The following CCNJ variants were observed in gnomAD, a reference collection of about 807,000 sequenced individuals.
The protein encoded by CCNJ is cyclin-J.
A neutral mutation model predicts 41.4 loss-of-function variants in CCNJ; 12 were observed. The ratio of observed to expected loss-of-function variants is 0.29; its 90% CI spans 0.19 to 0.47. The LOEUF is 0.47. Ranked by LOEUF, CCNJ falls within the 20% of genes least tolerant of loss-of-function variation. The pLI is 1.00. For missense variants in CCNJ, 340 were observed against 464.6 expected (o/e 0.73, Z 2.47); for synonymous variants, 161 against 173.4 (o/e 0.93, Z 0.56).
At chr10:96,051,681 T>C (rs771173482) in intron 3 of CCNJ, among the ~76,000 whole-genome samples, 1 of 152,238 alleles carries the variant, frequency 6.6e-6, no homozygotes, top group Non-Finnish European at 1.5e-5. Context: ...TTAGCACTTC[T>C]GTGCCTGGCT....
At chr10:96,046,830 A>G (rs187253146) in intron 2 of CCNJ, among the ~76,000 whole-genome samples, 2 of 152,190 alleles carry the variant, frequency 1.3e-5, no homozygotes, top group African/African-American at 2.4e-5. Context: ...TCTTCTCATT[A>G]TTTTGCTGTG....
chr10:96,056,633 A>G, intron 3 of CCNJ, 68 bp from the exon 4 acceptor site: 1 of 1,162,422 alleles, frequency 8.6e-7, no homozygotes, highest in Non-Finnish European at 1.2e-6. Context: ...ATCCCATTTT[A>G]CTGACTAGAC....
At chr10:96,046,389 A>G (rs2080364169) in intron 2 of CCNJ, among the ~76,000 whole-genome samples, 1 of 152,236 alleles carries the variant, frequency 6.6e-6, no homozygotes, top group Admixed American at 6.5e-5. Flanking sequence ...ACTGTTTGTA[A>G]TACACTGAAG....
chr10:96,057,963 C>T lies in CCNJ; in HGVS notation c.874C>T (p.His292Tyr), dbSNP rs1269124912. ...TCACTTTCAGCAACCTCAGTATCTC[C>T]ATCAGACACATCAGACCTCACTGCA... ...PVHFQQPQYL[H>Y]QTHQTSLQYR... The change falls in exon 6 of 6, where the codon CAT becomes TAT. Residue 292 changes from histidine to tyrosine, a missense_variant. His to Tyr is a moderately conservative substitution (Grantham distance 83). Transcript: ENST00000465148. 8 of 1,614,066 alleles carry T rather than the reference C, an allele frequency of 5.0e-6. No individual in the cohort carries two copies. The Admixed American group carries it at 1.2e-4, about 24-fold the overall frequency.
At chr10:96,049,215 T>C (rs1318554785) in intron 2 of CCNJ, among the ~76,000 whole-genome samples, 2 of 152,214 alleles carry the variant, frequency 1.3e-5, no homozygotes, top group African/African-American at 2.4e-5. Context: ...TTTTCATGTT[T>C]TATGATATTT....
rs147447123 is a variant in CCNJ, at chr10:96,050,872, G to A, written c.280+406G>A. On this transcript the variant is annotated intron_variant, in intron 3 of 5. Coordinates refer to ENST00000465148, the MANE Select transcript of CCNJ (RefSeq NM_001134375.2). ...GGAACACTTGGCAACGTGTACAGACGTTTTGGTTGTCACATCTGGTGATAA... is the reference window on the plus strand; with the variant it reads ...GGAACACTTGGCAACGTGTACAGACATTTTGGTTGTCACATCTGGTGATAA... 2.4e-3 allele frequency among the ~76,000 whole-genome samples: 358 copies of A among 152,278 alleles called. 6 individuals carry two copies. Among genetic ancestry groups the A allele is most frequent in the Admixed American group, 0.015 (235 of 15,296 alleles).
chr10:96,057,827 C>T lies in CCNJ; in HGVS notation c.741-3C>T. The T allele has an allele frequency of 6.2e-7, 1 of 1,611,478 alleles. No individual in the cohort carries two copies. Among genetic ancestry groups the T allele is most frequent in the Non-Finnish European group, 8.5e-7 (1 of 1,178,262 alleles). On this transcript the variant is annotated splice_region_variant and splice_polypyrimidine_tract_variant and intron_variant, in intron 5 of 5. Coordinates refer to ENST00000465148, the MANE Select transcript of CCNJ (RefSeq NM_001134375.2). ...AATAGTTTCCTTTCTCTCCACGTTT[C>T]AGCGCTCATGATAATGATGTGAAAG...
chr10:96,045,019 C>G (rs1041286626), intron 2 of CCNJ, among the ~76,000 whole-genome samples: 1 of 152,190 alleles, frequency 6.6e-6, no homozygotes, highest in Non-Finnish European at 1.5e-5. Context: ...ATAGTAAGCA[C>G]TAAGTGATAA....
intron 2 of CCNJ, 47 bp downstream of exon 2, chr10:96,044,509 G>C: frequency 7.2e-7 from 1 of 1,389,182 alleles, no homozygotes; most frequent in Non-Finnish European, 9.6e-7. Context: ...TGTCGCGCCA[G>C]TTGTTCTGAA....
rs772052681 is a variant in CCNJ, at chr10:96,044,392, C to G, written c.-2C>G. 6.5e-7 allele frequency: 1 copy of G among 1,535,644 alleles called. No individual in the cohort carries two copies. The highest frequency in any genetic ancestry group is 1.2e-5 in the South Asian group (1 of 82,374). ...GTCGGGCTGGGCGCGCCGCCGGGTC[C>G]CATGGAGCTGGAGGGGCAGTGGTGG... On this transcript the variant is annotated 5_prime_UTR_variant, in exon 2 of 6. Coordinates refer to ENST00000465148, the MANE Select transcript of CCNJ (RefSeq NM_001134375.2).
chr10:96,056,080 C>T (rs187611876), intron 3 of CCNJ, among the ~76,000 whole-genome samples: 7,641 of 152,258 alleles, frequency 0.05, 605 homozygotes, highest in African/African-American at 0.17. Flanking sequence ...GAGGCCGAGG[C>T]AGGCAGATCA....
chr10:96,050,479 C>T lies in CCNJ; in HGVS notation c.280+13C>T. ...CTGCTTCTAGCAAGTAAGTATGAAT[C>T]TGATTTACATGACTGGAAATTTCTG... On this transcript the variant is annotated intron_variant, in intron 3 of 5. Transcript: ENST00000465148. 6.3e-7 allele frequency: 1 copy of T among 1,589,970 alleles called. No homozygotes were observed. The highest frequency in any genetic ancestry group is 8.6e-7 in the Non-Finnish European group (1 of 1,158,110).
intron 3 of CCNJ, 121 bp from the exon 4 acceptor site, chr10:96,056,580 G>A: frequency 2.8e-6 from 2 of 701,836 alleles, no homozygotes; most frequent in East Asian, 5.4e-5. Context: ...TCTGTGTAAG[G>A]TAAGTACGTC....
At position 96,059,083 on chromosome 10, in the gene CCNJ, A is replaced by G. The variant is rs2080765948; in HGVS notation, c.*842A>G. The G allele has an allele frequency of 6.5e-6, 1 of 152,690 alleles. No homozygotes were observed. Among genetic ancestry groups the G allele is most frequent in the Non-Finnish European group, 1.5e-5 (1 of 68,052 alleles). The allele number at this position is 152,690 out of a possible 1,614,324, so 9.5% of individuals were successfully genotyped here. On this transcript the variant is annotated 3_prime_UTR_variant, in exon 6 of 6. Transcript: ENST00000465148. Reference sequence around the variant, plus strand: ...CTAGGGTGTGTTTTCAAATGAGAACATAATATAGCTCAGAATGAAGTGGTA... The same window carrying G: ...CTAGGGTGTGTTTTCAAATGAGAACGTAATATAGCTCAGAATGAAGTGGTA...
intron 2 of CCNJ, among the ~76,000 whole-genome samples, chr10:96,048,222 G>A (rs1041182665): frequency 6.6e-6 from 1 of 152,058 alleles, no homozygotes; most frequent in Non-Finnish European, 1.5e-5. Context: ...CTTTGCTCTT[G>A]TGAATAGTGC....
chr10:96,047,753 G>A (rs931356268), intron 2 of CCNJ, among the ~76,000 whole-genome samples: 5 of 151,846 alleles, frequency 3.3e-5, no homozygotes, highest in African/African-American at 7.3e-5. Flanking sequence ...TTTGTTTATC[G>A]TAAAATGTAT....
chr10:96,048,408 A>G (rs551930024), intron 2 of CCNJ, among the ~76,000 whole-genome samples: 1 of 152,334 alleles, frequency 6.6e-6, no homozygotes, highest in African/African-American at 2.4e-5. Context: ...CCAACAGTGT[A>G]AAAGCGTTCC....
At chr10:96,046,499 G>C (rs1280472011) in intron 2 of CCNJ, among the ~76,000 whole-genome samples, 1 of 152,176 alleles carries the variant, frequency 6.6e-6, no homozygotes, top group Non-Finnish European at 1.5e-5. Flanking sequence ...TCAACATGTT[G>C]ATCATTTATG....
At chr10:96,044,671 A>G (rs2080311974) in intron 2 of CCNJ, among the ~76,000 whole-genome samples, 1 of 152,088 alleles carries the variant, frequency 6.6e-6, no homozygotes, top group Non-Finnish European at 1.5e-5. Context: ...GAGTAGGGAG[A>G]TGGTAGTTGG....
Sources: gnomAD v4.1 joint callset for allele counts (sites outside exome capture counted in the v4.1 genomes callset) on GRCh38, gnomAD v4.1.1 for gene constraint, MANE v1.5 for transcripts, NCBI Gene and HGNC (gene_info 2026-07-23, HGNC 2026-07-21) for gene names.